The following FILIP1 variants were observed in gnomAD, a reference collection of about 807,000 sequenced individuals.
FILIP1 encodes the protein filamin A interacting protein 1, also known as filamin-A-interacting protein 1.
FILIP1 carries 61 observed loss-of-function variants against 102.1 expected under a neutral mutation model. The observed-to-expected ratio is 0.60, with a 90% confidence interval of 0.49 to 0.74. The LOEUF is 0.74. Among genes scored for constraint, FILIP1 ranks in the 30% least tolerant of loss-of-function variants. The pLI, the probability that FILIP1 is intolerant of heterozygous loss-of-function variation, is 0.00. For missense variants in FILIP1, 1,314 were observed against 1,441.2 expected (o/e 0.91, Z 1.43); for synonymous variants, 491 against 526.9 (o/e 0.93, Z 0.93).
intron 1 of FILIP1, among the ~76,000 whole-genome samples, chr6:75,445,536 G>T (rs1362489962): frequency 2.0e-5 from 3 of 151,824 alleles, no homozygotes; most frequent in Admixed American, 6.6e-5. Flanking sequence ...TACTCTCCTT[G>T]AACACTGATT....
intron 1 of FILIP1, among the ~76,000 whole-genome samples, chr6:75,460,007 A>T (rs1445966105): frequency 6.6e-6 from 1 of 152,198 alleles, no homozygotes; most frequent in African/African-American, 2.4e-5. Flanking sequence ...AAAACACTTA[A>T]GACTCCAACA....
In FILIP1 at chr6:75,414,844, A is replaced by G. The variant is rs759480650; in HGVS notation, c.129T>C (p.Asn43=). 13 of 1,613,718 alleles carry G rather than the reference A, an allele frequency of 8.1e-6. No individual in the cohort carries two copies. The highest frequency in any genetic ancestry group is 1.3e-5 in the African/African-American group (1 of 74,928). ...SEDAKKKKKS[N]RKEDDVMASG... ...AGGCCATGACATCATCCTCCTTCCT[A>G]TTTGATTTCTTCTTCTTTTTTGCAT... The change falls in exon 2 of 6, where the codon AAT becomes AAC. Residue 43 remains asparagine, a synonymous_variant. Coordinates refer to ENST00000237172, the MANE Select transcript of FILIP1 (RefSeq NM_015687.5).
intron 1 of FILIP1, among the ~76,000 whole-genome samples, chr6:75,445,899 A>C (rs1468394407): frequency 1.3e-5 from 2 of 152,114 alleles, no homozygotes; most frequent in Admixed American, 6.5e-5. Flanking sequence ...CAAACTATCC[A>C]ATCCCACCAA....
intron 2 of FILIP1, among the ~76,000 whole-genome samples, chr6:75,396,993 C>CAT (rs1456165067): frequency 1.6e-5 from 2 of 128,342 alleles, no homozygotes; most frequent in East Asian, 4.5e-4. Flanking sequence ...GGAAGGGAAA[C>CAT]ATCACACACC....
At chr6:75,429,157 G>GA (rs1426683538) in intron 1 of FILIP1, among the ~76,000 whole-genome samples, 20 of 151,540 alleles carry the variant, frequency 1.3e-4, no homozygotes, top group Non-Finnish European at 2.6e-4. Context: ...TTTCAATTTA[G>GA]AAAAAAAGAA....
At chr6:75,489,821 T>C (rs568010714) in intron 1 of FILIP1, among the ~76,000 whole-genome samples, 2 of 152,216 alleles carry the variant, frequency 1.3e-5, no homozygotes, top group Non-Finnish European at 2.9e-5. Context: ...TTGCTATATA[T>C]ATTAAAAAAA....
chr6:75,347,239 G>T (rs990540517), intron 4 of FILIP1, among the ~76,000 whole-genome samples: 1 of 152,178 alleles, frequency 6.6e-6, no homozygotes, highest in Non-Finnish European at 1.5e-5. Context: ...GTCCTTGGGG[G>T]AAGGAATTTA....
rs905027708 is a variant in FILIP1, at chr6:75,414,774, G to A, written c.199C>T (p.Arg67Ter). 6.2e-6 allele frequency: 10 copies of A among 1,613,670 alleles called. No homozygotes were observed. The highest frequency in any genetic ancestry group is 3.3e-4 in the Middle Eastern group (2 of 6,060). ...AACTCCAGGGATTTCTTAGTTTTTC[G>A]TTCACATTCTCCAGATGTTTTTAGG... ...RHLKTSGECERKTKKSLELSK... is the reference protein window; with the variant it reads ...RHLKTSGECE Residue 67 changes from arginine (R) to a stop codon, truncating the protein, a stop_gained, in exon 2 of 6, where the codon CGA becomes TGA. Coordinates refer to ENST00000237172, the MANE Select transcript of FILIP1 (RefSeq NM_015687.5). LOFTEE classifies it high-confidence loss of function.
At chr6:75,423,876 A>G (rs1777551464) in intron 1 of FILIP1, among the ~76,000 whole-genome samples, 1 of 152,188 alleles carries the variant, frequency 6.6e-6, no homozygotes, top group African/African-American at 2.4e-5. Context: ...TTTTTATGCT[A>G]CAGGATTAAA....
At chr6:75,422,452 G>C (rs1052053392) in intron 1 of FILIP1, among the ~76,000 whole-genome samples, 1 of 151,908 alleles carries the variant, frequency 6.6e-6, no homozygotes, top group African/African-American at 2.4e-5. Context: ...TTAAAGTTTC[G>C]AAATGTCTGG....
At chr6:75,419,755 C>T (rs1777390523) in intron 1 of FILIP1, among the ~76,000 whole-genome samples, 1 of 152,154 alleles carries the variant, frequency 6.6e-6, no homozygotes, top group Non-Finnish European at 1.5e-5. Context: ...CTAGTTTATT[C>T]CCTATCAATG....
chr6:75,450,953 C>G (rs1778612806), intron 1 of FILIP1, among the ~76,000 whole-genome samples: 1 of 152,012 alleles, frequency 6.6e-6, no homozygotes, highest in African/African-American at 2.4e-5. Context: ...GAAACTCCAT[C>G]TCAAAAAAAT....
At chr6:75,484,195 A>G (rs1425836049) in intron 1 of FILIP1, among the ~76,000 whole-genome samples, 2 of 152,140 alleles carry the variant, frequency 1.3e-5, no homozygotes, top group African/African-American at 4.8e-5. Context: ...AAGCCAGGCA[A>G]CGATCCTGAG....
chr6:75,450,147 A>G (rs1778576740), intron 1 of FILIP1, among the ~76,000 whole-genome samples: 1 of 151,952 alleles, frequency 6.6e-6, no homozygotes, highest in Admixed American at 6.6e-5. Context: ...AGGGCCAAGG[A>G]AGTGGCCCGG....
At chr6:75,329,048 G>A (rs1396820096) in intron 4 of FILIP1, among the ~76,000 whole-genome samples, 1 of 152,190 alleles carries the variant, frequency 6.6e-6, no homozygotes, top group Non-Finnish European at 1.5e-5. Flanking sequence ...TTCTCAGTCT[G>A]TCCTATTCCA....
intron 1 of FILIP1, among the ~76,000 whole-genome samples, chr6:75,484,742 G>A (rs910560088): frequency 3.3e-5 from 5 of 152,138 alleles, no homozygotes; most frequent in Non-Finnish European, 5.9e-5. Context: ...TTTCCTGTAA[G>A]GTATAGCTGT....
At chr6:75,471,459 T>A (rs1333996417) in intron 1 of FILIP1, among the ~76,000 whole-genome samples, 1 of 152,154 alleles carries the variant, frequency 6.6e-6, no homozygotes, top group Non-Finnish European at 1.5e-5. Flanking sequence ...GAAATTCAAA[T>A]TTAAATTCAA....
At chr6:75,475,809 T>C (rs1010410994) in intron 1 of FILIP1, among the ~76,000 whole-genome samples, 17 of 152,172 alleles carry the variant, frequency 1.1e-4, no homozygotes, top group African/African-American at 4.1e-4. Flanking sequence ...ATCCATAAAA[T>C]GAAAATGATA....
chr6:75,459,282 G>A (rs891400511), intron 1 of FILIP1, among the ~76,000 whole-genome samples: 2 of 152,070 alleles, frequency 1.3e-5, no homozygotes, highest in African/African-American at 4.8e-5. Context: ...TATGAGTTGA[G>A]TTTTTTAAAA....
Sources: gnomAD v4.1 joint callset for allele counts (sites outside exome capture counted in the v4.1 genomes callset) on GRCh38, gnomAD v4.1.1 for gene constraint, MANE v1.5 for transcripts, NCBI Gene and HGNC (gene_info 2026-07-23, HGNC 2026-07-21) for gene names.